Variants in CLVS1 observed in about 807,000 individuals in gnomAD.
CLVS1 encodes clavesin 1.
Under a neutral mutation model 33.1 loss-of-function variants are expected in CLVS1, and 10 were observed. The ratio of observed to expected loss-of-function variants is 0.30; its 90% CI spans 0.19 to 0.51. The LOEUF (loss-of-function observed/expected upper bound fraction) is 0.51, where lower values mean the gene tolerates loss of function less well. CLVS1 is among the 20% of genes least tolerant of loss of function. The pLI is 0.97. For synonymous variants in CLVS1, 163 were observed against 166.1 expected, an observed-to-expected ratio of 0.98 and a Z score of 0.14; for missense variants, 343 against 433.4, an observed-to-expected ratio of 0.79 and a Z score of 1.85.
chr8:61,454,105 T>TA (rs774192361), intron 3 of CLVS1, 36 bp from the exon 4 acceptor site: 139 of 1,420,264 alleles, frequency 9.8e-5, no homozygotes, highest in Non-Finnish European at 1.3e-4. Context: ...AAGGTGTGCT[T>TA]ACTAATCGGT....
chr8:61,354,757 C>T (rs1213908887), intron 2 of CLVS1, among the ~76,000 whole-genome samples: 2 of 152,078 alleles, frequency 1.3e-5, no homozygotes, highest in African/African-American at 2.4e-5. Flanking sequence ...ATTTCTATAA[C>T]ATTTTCGAAA....
chr8:61,396,518 G>A (rs1814533342), intron 3 of CLVS1, among the ~76,000 whole-genome samples: 1 of 151,762 alleles, frequency 6.6e-6, no homozygotes, highest in African/African-American at 2.4e-5. Flanking sequence ...AATTTACTTT[G>A]TATTAAACAG....
intron 2 of CLVS1, among the ~76,000 whole-genome samples, chr8:61,188,929 A>T (rs1323123793): frequency 6.6e-6 from 1 of 152,154 alleles, no homozygotes; most frequent in African/African-American, 2.4e-5. Flanking sequence ...AAGATGATAA[A>T]TTACATTTGC....
chr8:61,387,127 C>T (rs1253550855), intron 3 of CLVS1, among the ~76,000 whole-genome samples: 1 of 152,150 alleles, frequency 6.6e-6, no homozygotes, highest in Non-Finnish European at 1.5e-5. Flanking sequence ...GTGGCTCATG[C>T]CTATAATCCT....
intron 2 of CLVS1, among the ~76,000 whole-genome samples, chr8:61,207,082 GCTGT>G (rs1464030382): frequency 6.6e-6 from 1 of 152,192 alleles, no homozygotes. Context: ...GAGGGAGCCT[GCTGT>G]CTAATAGGGG....
chr8:61,330,162 G>A (rs1033572239), intron 2 of CLVS1, among the ~76,000 whole-genome samples: 1 of 152,126 alleles, frequency 6.6e-6, no homozygotes, highest in Non-Finnish European at 1.5e-5. Context: ...TGGTGCTTCT[G>A]TGTGTACCAT....
intron 2 of CLVS1, among the ~76,000 whole-genome samples, chr8:61,337,992 T>C (rs1585822042): frequency 6.6e-6 from 1 of 152,234 alleles, no homozygotes; most frequent in East Asian, 1.9e-4. Context: ...CACTTCCACA[T>C]GATCTCCTCG....
chr8:61,142,985 G>A (rs1475603769), intron 2 of CLVS1, among the ~76,000 whole-genome samples: 2 of 152,152 alleles, frequency 1.3e-5, no homozygotes, highest in African/African-American at 2.4e-5. Context: ...TAGCATTCTT[G>A]TTTGAATTAC....
chr8:61,233,521 A>AG (rs1554548555), intron 2 of CLVS1, among the ~76,000 whole-genome samples: 1 of 151,530 alleles, frequency 6.6e-6, no homozygotes, highest in African/African-American at 2.4e-5. Flanking sequence ...AAAAAAAAAA[A>AG]AAAGAAAGAA....
chr8:61,305,708 C>G (rs946376442), intron 2 of CLVS1, among the ~76,000 whole-genome samples: 1 of 152,132 alleles, frequency 6.6e-6, no homozygotes, highest in Non-Finnish European at 1.5e-5. Context: ...TCCCTCCTCC[C>G]ACTCTCTACC....
intron 2 of CLVS1, among the ~76,000 whole-genome samples, chr8:61,263,499 C>T (rs1452875279): frequency 6.6e-6 from 1 of 152,206 alleles, no homozygotes; most frequent in South Asian, 2.1e-4. Context: ...TGTCTAACTC[C>T]TTTCGTCGGC....
intron 3 of CLVS1, among the ~76,000 whole-genome samples, chr8:61,421,833 C>T (rs1815683746): frequency 6.6e-6 from 1 of 152,092 alleles, no homozygotes; most frequent in Admixed American, 6.5e-5. Flanking sequence ...GCTACTTCAC[C>T]TCTCTGTGGT....
chr8:61,363,062 A>G (rs1813051671), intron 2 of CLVS1, among the ~76,000 whole-genome samples: 2 of 152,154 alleles, frequency 1.3e-5, no homozygotes, highest in Admixed American at 1.3e-4. Context: ...GCAGGAGGTA[A>G]AATTTCAGAT....
chr8:60,968,064 A>G, the CLVS1 span, among the ~76,000 whole-genome samples: 1 of 151,990 alleles, frequency 6.6e-6, no homozygotes, highest in Non-Finnish European at 1.5e-5. Flanking sequence ...TCAGTCCCCC[A>G]AGTCGCTGGG....
chr8:61,023,467 A>T, the CLVS1 span, among the ~76,000 whole-genome samples: 1 of 152,276 alleles, frequency 6.6e-6, no homozygotes, highest in South Asian at 2.1e-4. Context: ...ATGCACCATT[A>T]CATCCCACAG....
At position 61,089,010 on chromosome 8, in the gene CLVS1, G is replaced by A. The variant is rs1261586652; in HGVS notation, c.-243+31780G>A. 2.6e-5 allele frequency among the ~76,000 whole-genome samples: 4 copies of A among 152,082 alleles called. No individual in the cohort carries two copies. In the East Asian group the frequency reaches 7.8e-4, roughly 30 times the overall value. Reference sequence around the variant, plus strand: ...GTAGAGACGGGGTTTCACCATGTTAGCCAGGATGGTCTCAATCTCCTGACC... The same window carrying A: ...GTAGAGACGGGGTTTCACCATGTTAACCAGGATGGTCTCAATCTCCTGACC... On this transcript the variant is annotated intron_variant, in intron 1 of 2. Coordinates refer to the CLVS1 transcript ENST00000522621.
At position 61,179,579 on chromosome 8, in the gene CLVS1, C is replaced by T. The variant is rs541932594; in HGVS notation, c.-152+47719C>T. On this transcript the variant is annotated intron_variant, in intron 2 of 2. Coordinates refer to the CLVS1 transcript ENST00000522621. ...ACATGGAACTTATTCTAAAATCAAC[C>T]ACATAATTGGAAGCAAAATACTTCT... 2.9e-4 allele frequency among the ~76,000 whole-genome samples: 44 copies of T among 152,256 alleles called. No homozygotes were observed. The South Asian group carries it at 8.3e-3, about 29-fold the overall frequency.
intron 5 of CLVS1, among the ~76,000 whole-genome samples, chr8:61,474,779 A>G (rs774667598): frequency 3.9e-5 from 6 of 152,110 alleles, no homozygotes; most frequent in Non-Finnish European, 7.4e-5. Flanking sequence ...CTATTTTCCC[A>G]GTGAAGCAGG....
intron 2 of CLVS1, among the ~76,000 whole-genome samples, chr8:61,276,805 A>C (rs574147428): frequency 2.0e-5 from 3 of 152,358 alleles, no homozygotes; most frequent in Admixed American, 6.5e-5. Flanking sequence ...AAAAACAGAA[A>C]AGTGACCTAA....
Sources: gnomAD v4.1 joint callset for allele counts (sites outside exome capture counted in the v4.1 genomes callset) on GRCh38, gnomAD v4.1.1 for gene constraint, MANE v1.5 for transcripts, NCBI Gene and HGNC (gene_info 2026-07-23, HGNC 2026-07-21) for gene names.